Variants in TMEM9 observed in about 807,000 individuals in gnomAD.
TMEM9 encodes proton-transporting V-type ATPase complex assembly regulator TMEM9.
TMEM9 carries 13 observed loss-of-function variants against 22.8 expected under a neutral mutation model. The observed-to-expected ratio is 0.57, with a 90% CI of 0.37 to 0.91. TMEM9 has a LOEUF of 0.91. Ranked by LOEUF, TMEM9 falls within the 40% of genes least tolerant of loss-of-function variation. The pLI, the probability that TMEM9 is intolerant of heterozygous loss-of-function variation, is 0.01. For missense variants in TMEM9, 182 were observed against 238.1 expected, an observed-to-expected ratio of 0.76 and a Z score of 1.55; for synonymous variants, 88 against 93.0, an observed-to-expected ratio of 0.95 and a Z score of 0.31.
At chr1:201,152,401 T>G (rs1001217589) in intron 1 of TMEM9, among the ~76,000 whole-genome samples, 3 of 152,366 alleles carry the variant, frequency 2.0e-5, no homozygotes, top group Admixed American at 2.0e-4. Flanking sequence ...GATATCACCA[T>G]AAATGTCTTT....
At chr1:201,140,414 G>A (rs998643626) in intron 4 of TMEM9, among the ~76,000 whole-genome samples, 6 of 152,228 alleles carry the variant, frequency 3.9e-5, no homozygotes, top group Admixed American at 2.0e-4. Flanking sequence ...CTGAGCCCAG[G>A]GATTATGCCT....
chr1:201,140,402 G>A (rs143009435), intron 4 of TMEM9, among the ~76,000 whole-genome samples: 14 of 152,314 alleles, frequency 9.2e-5, no homozygotes, highest in Admixed American at 2.0e-4. Context: ...TTCAAAGGAC[G>A]TCTGAGCCCA....
Position 201,151,766 on chromosome 1 carries a change from C to T in TMEM9, c.153G>A (p.Lys51=), listed in dbSNP as rs1249276431. Reference sequence around the variant, plus strand: ...GCCTGCGTGTAATGCCTTACCAGTCCTTCTGGGATACATTCTGGTTGTAAA... The same window carrying T: ...GCCTGCGTGTAATGCCTTACCAGTCTTTCTGGGATACATTCTGGTTGTAAA... ...GHIYNQNVSQ[K]DCNCLHVVEP... Residue 51 remains lysine, a synonymous_variant, in exon 2 of 5, where the codon AAG becomes AAA. Coordinates refer to ENST00000367330, the MANE Select transcript of TMEM9 (RefSeq NM_001288565.2). 3.1e-6 allele frequency: 5 copies of T among 1,613,512 alleles called. No homozygotes were observed. Among genetic ancestry groups the T allele is most frequent in the Non-Finnish European group, 4.2e-6 (5 of 1,179,486 alleles).
chr1:201,166,167 G>A (rs779445184), intron 1 of TMEM9, among the ~76,000 whole-genome samples: 6 of 152,038 alleles, frequency 3.9e-5, no homozygotes, highest in Non-Finnish European at 7.4e-5. Context: ...TAATTTGTCC[G>A]TTGCTTTCTT....
chr1:201,159,442 A>T (rs1337396694), upstream of TMEM9, among the ~76,000 whole-genome samples: 1 of 151,788 alleles, frequency 6.6e-6, no homozygotes, highest in African/African-American at 2.4e-5. Flanking sequence ...GCCCTGGACA[A>T]GCACGCTGTT....
intron 4 of TMEM9, among the ~76,000 whole-genome samples, chr1:201,136,373 G>A (rs1185919995): frequency 2.6e-5 from 4 of 152,168 alleles, no homozygotes; most frequent in Admixed American, 2.0e-4. Context: ...CTAGGGTCTG[G>A]CTACCCTGAG....
upstream of TMEM9, among the ~76,000 whole-genome samples, chr1:201,156,860 G>C (rs538920289): frequency 6.6e-6 from 1 of 152,320 alleles, no homozygotes; most frequent in Non-Finnish European, 1.5e-5. Flanking sequence ...GGATACAACA[G>C]ACAAATCACA....
intron 4 of TMEM9, among the ~76,000 whole-genome samples, chr1:201,138,989 T>C (rs1353342076): frequency 6.6e-6 from 1 of 152,204 alleles, no homozygotes; most frequent in Non-Finnish European, 1.5e-5. Flanking sequence ...AAGGAACCAA[T>C]GCTCAGGACA....
intron 1 of TMEM9, among the ~76,000 whole-genome samples, chr1:201,161,817 A>G (rs889947991): frequency 5.9e-5 from 9 of 152,242 alleles, no homozygotes; most frequent in Non-Finnish European, 1.0e-4. Flanking sequence ...CTGAGTATTA[A>G]CAGATCAGGT....
rs147256804 is a variant in TMEM9, at chr1:201,146,084, G to A, written c.267+656C>T. Among the ~76,000 whole-genome samples the A allele has an allele frequency of 8.4e-3, 1,273 of 152,330 alleles. 30 individuals carry two copies. Among genetic ancestry groups the A allele is most frequent in the South Asian group, 0.059 (286 of 4,818 alleles). ...GCACTGGGGGGCTGGGGGTCATGAC[G>A]GTCTCTGCTAGGGCGGCTTCACAGC... On this transcript the variant is annotated intron_variant, in intron 3 of 4. Transcript: ENST00000367330.
chr1:201,145,771 G>C (rs775517453), intron 3 of TMEM9: 3 of 152,232 alleles, frequency 2.0e-5, no homozygotes, highest in Non-Finnish European at 4.4e-5. Flanking sequence ...GACAAGCCTG[G>C]GCAAGACAGT....
intron 1 of TMEM9, 43 bp from the exon 2 acceptor site, chr1:201,151,895 G>A: frequency 7.1e-7 from 1 of 1,418,372 alleles, no homozygotes; most frequent in Non-Finnish European, 1.0e-6. Context: ...GACCCTGCCT[G>A]GGGTTCAGGG....
chr1:201,155,338 G>A (rs1470808161), upstream of TMEM9, among the ~76,000 whole-genome samples: 1 of 151,064 alleles, frequency 6.6e-6, no homozygotes, highest in East Asian at 1.9e-4. Context: ...TTAGGGGTGG[G>A]TGGGAGGGGT....
In TMEM9 at chr1:201,153,986, A is replaced by G; in HGVS notation, c.-63T>C. 6.4e-7 allele frequency: 1 copy of G among 1,553,278 alleles called. No individual in the cohort carries two copies. Among genetic ancestry groups the G allele is most frequent in the Non-Finnish European group, 8.7e-7 (1 of 1,148,820 alleles). On this transcript the variant is annotated 5_prime_UTR_variant, in exon 1 of 5. Transcript: ENST00000367330. ...TGGAAAAAGAGATACGGAGTCGGAG[A>G]AGGGGAAGGTGGCCACACCGCAGCC...
chr1:201,167,210 CAA>C (rs1666099657), intron 1 of TMEM9, among the ~76,000 whole-genome samples: 1 of 152,186 alleles, frequency 6.6e-6, no homozygotes, highest in Non-Finnish European at 1.5e-5. Flanking sequence ...CTGCAGTACA[CAA>C]AGAGTTTAAT....
rs1022902096 is a variant in TMEM9, at chr1:201,168,994, G to T, written c.-37+2496C>A. On this transcript the variant is annotated intron_variant, in intron 1 of 5. Transcript: ENST00000367333. ...TTTTTTTTTTTTTTTTTAGAGATGG[G>T]GTCTCACTACGTTGCCCGAGCTGGT... 3.4e-5 allele frequency among the ~76,000 whole-genome samples: 5 copies of T among 149,026 alleles called. 1 individual carries two copies. The South Asian group carries it at 1.1e-3, about 32-fold the overall frequency.
chr1:201,140,541 G>A (rs1293860398), intron 4 of TMEM9, among the ~76,000 whole-genome samples: 1 of 152,206 alleles, frequency 6.6e-6, no homozygotes, highest in Non-Finnish European at 1.5e-5. Flanking sequence ...ACGGGGCTGA[G>A]GCTGAGGGGG....
chr1:201,135,574 G>A lies in TMEM9; in HGVS notation c.*89C>T, dbSNP rs1276500905. On this transcript the variant is annotated 3_prime_UTR_variant, in exon 5 of 5. Transcript: ENST00000367330. ...GGCTTTTAAAGGGAAGACTGGAACC[G>A]AGGGAAGGGAGAAGTAGCCCCCTGC... 1.3e-5 allele frequency: 18 copies of A among 1,342,830 alleles called. No individual in the cohort carries two copies. Among genetic ancestry groups the A allele is most frequent in the Non-Finnish European group, 1.8e-5 (18 of 1,004,840 alleles). 83.2% of individuals were successfully genotyped at this position (1,342,830 alleles called of 1,614,324 possible).
In TMEM9 at chr1:201,153,974, A is replaced by G; in HGVS notation, c.-51T>C. The G allele has an allele frequency of 2.6e-6, 4 of 1,568,538 alleles. No individual in the cohort carries two copies. In the East Asian group the frequency reaches 9.1e-5, roughly 36 times the overall value. ...AAGCCGGACACCTGGAAAAAGAGAT[A>G]CGGAGTCGGAGAAGGGGAAGGTGGC... On this transcript the variant is annotated 5_prime_UTR_variant, in exon 1 of 5. Transcript: ENST00000367330.
Sources: allele counts gnomAD v4.1 joint callset (sites outside exome capture counted in the v4.1 genomes callset), GRCh38; gene constraint gnomAD v4.1.1; transcripts MANE v1.5; gene names NCBI Gene and HGNC (gene_info 2026-07-23, HGNC 2026-07-21).